The following PFKFB1 variants were observed in gnomAD, a reference collection of about 807,000 sequenced individuals.
PFKFB1 encodes the protein 6-phosphofructo-2-kinase/fructose-2,6-bisphosphatase 1.
PFKFB1 carries 34 observed loss-of-function variants against 46.4 expected under a neutral mutation model. That is an observed-to-expected ratio of 0.73 (90% CI 0.56 to 0.98). PFKFB1 has a LOEUF of 0.98. PFKFB1 is among the 50% of genes least tolerant of loss of function. The pLI is 0.00. For missense variants in PFKFB1, 393 were observed against 376.3 expected, an observed-to-expected ratio of 1.04 and a Z score of -0.37; for synonymous variants, 119 against 133.8, an observed-to-expected ratio of 0.89 and a Z score of 0.76.
At chrX:54,934,451 G>C (rs1171362507) in intron 12 of PFKFB1, among the ~76,000 whole-genome samples, 4 of 111,461 alleles carry the variant, frequency 3.6e-5, no homozygotes, top group Non-Finnish European at 7.5e-5. Context: ...GGGGCCTAAT[G>C]CCTGTGGAAG....
intron 7 of PFKFB1, among the ~76,000 whole-genome samples, chrX:54,953,623 A>G (rs1417561903): frequency 9.0e-6 from 1 of 111,454 alleles, no homozygotes; most frequent in Non-Finnish European, 1.9e-5. Context: ...CTCAGAGCCT[A>G]GGGATAGAAA....
chrX:54,944,170 C>T (rs1194453208), intron 10 of PFKFB1, among the ~76,000 whole-genome samples: 1 of 111,354 alleles, frequency 9.0e-6, no homozygotes, highest in Non-Finnish European at 1.9e-5. Flanking sequence ...ACATTTTGAC[C>T]TTACATCCTT....
intron 11 of PFKFB1, among the ~76,000 whole-genome samples, chrX:54,937,344 A>G (rs1347646680): frequency 8.9e-6 from 1 of 112,318 alleles, no homozygotes; most frequent in Admixed American, 9.4e-5. Context: ...GAACTGTTCT[A>G]AACTTTTTAC....
chrX:54,935,146 C>A, intron 11 of PFKFB1, 137 bp from the exon 12 acceptor site: 1 of 509,670 alleles, frequency 2.0e-6, no homozygotes, highest in Non-Finnish European at 3.5e-6. Context: ...GCCCACTCCC[C>A]ACACCCTGCA....
At chrX:54,954,074 TAAAAATTTTTTA>T (rs1934063193) in intron 7 of PFKFB1, among the ~76,000 whole-genome samples, 1 of 111,978 alleles carries the variant, frequency 8.9e-6, no homozygotes, top group African/African-American at 3.2e-5. Flanking sequence ...TAATTTTATT[TAAAAATTTTTTA>T]AAAAATTTTT....
intron 1 of PFKFB1, among the ~76,000 whole-genome samples, chrX:54,986,100 AC>A (rs1935106329): frequency 8.9e-6 from 1 of 112,005 alleles, no homozygotes; most frequent in African/African-American, 3.2e-5. Context: ...AGAATATCTA[AC>A]TGAATACAAA....
Position 54,959,828 on chromosome X carries a change from G to A in PFKFB1, c.383C>T (p.Ala128Val), listed in dbSNP as rs202099559. 1.4e-4 allele frequency: 169 copies of A among 1,197,329 alleles called. No homozygotes were observed. Among genetic ancestry groups the A allele is most frequent in the Admixed American group, 3.5e-4 (16 of 45,557 alleles). The change falls in exon 4 of 14, where the codon GCG becomes GTG. Residue 128 changes from alanine to valine, a missense_variant and splice_region_variant. Ala to Val is a moderately conservative substitution (Grantham distance 64). Transcript: ENST00000375006. ...GGAAAAAATAAAAAATTTCTTTACCGCAACATGACCTTCCTCATGGCTGAG... is the reference window on the plus strand; with the variant it reads ...GGAAAAAATAAAAAATTTCTTTACCACAACATGACCTTCCTCATGGCTGAG... ...NYLSHEEGHVAVFDATNTTRE... is the reference protein window; with the variant it reads ...NYLSHEEGHVVVFDATNTTRE...
At chrX:54,990,472 G>A (rs1291331172) in intron 1 of PFKFB1, among the ~76,000 whole-genome samples, 1 of 111,572 alleles carries the variant, frequency 9.0e-6, no homozygotes, top group East Asian at 2.8e-4. Flanking sequence ...ATAGCAAACT[G>A]AAAGGACTCT....
intron 10 of PFKFB1, among the ~76,000 whole-genome samples, chrX:54,942,432 T>A (rs1225545328): frequency 8.9e-6 from 1 of 111,925 alleles, no homozygotes; most frequent in African/African-American, 3.2e-5. Flanking sequence ...CAGACTTCCC[T>A]CAGGTGGGCT....
At chrX:54,960,307 C>T (rs1048953085) in intron 3 of PFKFB1, among the ~76,000 whole-genome samples, 7 of 112,493 alleles carry the variant, frequency 6.2e-5, no homozygotes, top group Non-Finnish European at 1.1e-4. Flanking sequence ...TGTATTTATG[C>T]TTTCAGCAAA....
intron 11 of PFKFB1, among the ~76,000 whole-genome samples, chrX:54,936,971 T>G (rs929116292): frequency 4.5e-5 from 5 of 111,760 alleles, no homozygotes; most frequent in Non-Finnish European, 3.8e-5. Flanking sequence ...ATAACAGTTT[T>G]TTTTTTTTTG....
intron 10 of PFKFB1, among the ~76,000 whole-genome samples, chrX:54,939,809 G>GA (rs1390596647): frequency 1.8e-5 from 2 of 111,814 alleles, no homozygotes; most frequent in Non-Finnish European, 3.8e-5. Flanking sequence ...AATTCTACCA[G>GA]ATGTACAAGG....
Position 54,949,065 on chromosome X carries a change from T to G in PFKFB1, c.993+10A>C. On this transcript the variant is annotated intron_variant, in intron 9 of 13. Coordinates refer to ENST00000375006, the MANE Select transcript of PFKFB1 (RefSeq NM_002625.4). ...CCCCACACACAGGAGATTCACCCCA[T>G]GCATCTCACCGCATCAATCTCATTC... 8.3e-7 allele frequency: 1 copy of G among 1,209,737 alleles called. No homozygotes were observed. Among genetic ancestry groups the G allele is most frequent in the Middle Eastern group, 2.3e-4 (1 of 4,341 alleles).
rs193038660 is a variant in PFKFB1 at position 54,937,402 on chromosome X, G to T, written c.1228+193C>A. Among the ~76,000 whole-genome samples, 15 of 112,251 alleles carry T rather than the reference G, an allele frequency of 1.3e-4. 1 individual carries two copies. The East Asian group carries it at 3.9e-3, about 29-fold the overall frequency. On this transcript the variant is annotated intron_variant, in intron 11 of 13. Transcript: ENST00000375006. ...TTATTCTCCCCATTTTACAGATGAG[G>T]ACACTGAGGCCAGAGAAGTTAAAGA...
intron 7 of PFKFB1, among the ~76,000 whole-genome samples, chrX:54,954,883 C>T (rs967592916): frequency 5.3e-5 from 6 of 112,159 alleles, no homozygotes; most frequent in African/African-American, 1.9e-4. Context: ...TTCTTCTGGC[C>T]CAAACTAATT....
intron 1 of PFKFB1, among the ~76,000 whole-genome samples, chrX:54,992,921 C>T (rs1935280283): frequency 9.0e-6 from 1 of 111,431 alleles, no homozygotes; most frequent in Admixed American, 9.5e-5. Context: ...CCACCCACAC[C>T]CTACCTCCTG....
At chrX:54,949,869 T>C (rs1315743945) in intron 8 of PFKFB1, among the ~76,000 whole-genome samples, 3 of 112,552 alleles carry the variant, frequency 2.7e-5, no homozygotes, top group Non-Finnish European at 5.6e-5. Flanking sequence ...TTGTGGGATT[T>C]GGGAGACATT....
chrX:54,961,374 AC>A (rs1833477026), intron 2 of PFKFB1, among the ~76,000 whole-genome samples: 1 of 111,100 alleles, frequency 9.0e-6, no homozygotes, highest in Non-Finnish European at 1.9e-5. Flanking sequence ...TATAGACTGG[AC>A]CTCCTGACTT....
chrX:54,948,925 CAT>C, intron 9 of PFKFB1, 148 bp downstream of exon 9: 1 of 552,344 alleles, frequency 1.8e-6, no homozygotes, highest in East Asian at 3.5e-5. Context: ...ATCCCCAAGA[CAT>C]AGAATAAGGT....
Sources: gnomAD v4.1 joint callset for allele counts (sites outside exome capture counted in the v4.1 genomes callset) on GRCh38, gnomAD v4.1.1 for gene constraint, MANE v1.5 for transcripts, NCBI Gene and HGNC (gene_info 2026-07-23, HGNC 2026-07-21) for gene names.